Variants in AP3B1 observed in about 807,000 individuals in gnomAD.
AP3B1 encodes the protein adaptor related protein complex 3 subunit beta 1, also known as AP-3 complex subunit beta-1.
In AP3B1, 61 loss-of-function variants were observed where a neutral mutation model predicts 132.5. The observed-to-expected ratio is 0.46, with a 90% CI of 0.37 to 0.57. The LOEUF is 0.57. Ranked by LOEUF, AP3B1 falls within the 20% of genes least tolerant of loss-of-function variation. AP3B1 has a pLI of 0.00. For synonymous variants in AP3B1, 388 were observed against 438.3 expected, an observed-to-expected ratio of 0.89 and a Z score of 1.43; for missense variants, 1,120 against 1,289.4, an observed-to-expected ratio of 0.87 and a Z score of 2.01.
intron 17 of AP3B1, among the ~76,000 whole-genome samples, chr5:78,125,739 A>C (rs1344227292): frequency 6.6e-6 from 1 of 152,192 alleles, no homozygotes; most frequent in East Asian, 1.9e-4. Flanking sequence ...CTAAGTTACC[A>C]ATTATTAATT....
At chr5:78,246,409 T>G (rs1233320305) in intron 2 of AP3B1, among the ~76,000 whole-genome samples, 1 of 152,244 alleles carries the variant, frequency 6.6e-6, no homozygotes, top group Non-Finnish European at 1.5e-5. Flanking sequence ...AGGATAGCAC[T>G]GAACTCAGAA....
intron 2 of AP3B1, among the ~76,000 whole-genome samples, chr5:78,251,211 G>A (rs1185683803): frequency 9.0e-5 from 13 of 144,720 alleles, no homozygotes; most frequent in Non-Finnish European, 1.6e-4. Flanking sequence ...TACATATCCA[G>A]ACAGTTGAAA....
At chr5:78,011,041 C>CTTT (rs11301750) in intron 26 of AP3B1, among the ~76,000 whole-genome samples, 16 of 129,358 alleles carry the variant, frequency 1.2e-4, no homozygotes, top group East Asian at 2.3e-4. Flanking sequence ...CTGTATCTCT[C>CTTT]TTTTTTTTTT....
intron 1 of AP3B1, among the ~76,000 whole-genome samples, chr5:78,289,473 A>G (rs1396085590): frequency 6.6e-6 from 1 of 152,192 alleles, no homozygotes; most frequent in Admixed American, 6.5e-5. Context: ...ATCTAAACAA[A>G]TGAAAAGCCC....
intron 25 of AP3B1, among the ~76,000 whole-genome samples, chr5:78,018,828 G>T (rs1746969452): frequency 6.6e-6 from 1 of 152,014 alleles, no homozygotes; most frequent in Non-Finnish European, 1.5e-5. Flanking sequence ...GTGGAAATAA[G>T]CTAAGCTCTT....
chr5:78,182,573 T>C (rs1363094440), intron 7 of AP3B1, among the ~76,000 whole-genome samples: 1 of 152,132 alleles, frequency 6.6e-6, no homozygotes, highest in African/African-American at 2.4e-5. Context: ...TTTTATTTCA[T>C]ATATCCACAA....
At chr5:78,046,870 C>A (rs750767111) in intron 22 of AP3B1, among the ~76,000 whole-genome samples, 1 of 152,068 alleles carries the variant, frequency 6.6e-6, no homozygotes, top group South Asian at 2.1e-4. Context: ...CAACCCCCAA[C>A]AGGCCCTGGT....
chr5:78,281,926 G>T (rs1749074700), intron 1 of AP3B1, among the ~76,000 whole-genome samples: 1 of 151,648 alleles, frequency 6.6e-6, no homozygotes, highest in Non-Finnish European at 1.5e-5. Flanking sequence ...TGGTTAGGAT[G>T]ATAAAGTTAT....
chr5:78,200,164 T>A (rs952065422), intron 7 of AP3B1, among the ~76,000 whole-genome samples: 2 of 151,768 alleles, frequency 1.3e-5, no homozygotes, highest in East Asian at 1.9e-4. Flanking sequence ...GAGGCAAAGA[T>A]GACAGCTCCA....
chr5:78,054,887 A>C (rs1748740365), intron 22 of AP3B1, among the ~76,000 whole-genome samples: 1 of 152,088 alleles, frequency 6.6e-6, no homozygotes, highest in South Asian at 2.1e-4. Context: ...ATCTGACAGA[A>C]GGGAAAAGGA....
At chr5:78,249,351 T>G (rs919497389) in intron 2 of AP3B1, among the ~76,000 whole-genome samples, 37 of 152,096 alleles carry the variant, frequency 2.4e-4, no homozygotes, top group Non-Finnish European at 2.5e-4. Context: ...GCGACAAGAG[T>G]GAGACTCCGT....
chr5:78,163,046 A>G, intron 12 of AP3B1, 95 bp from the exon 13 acceptor site: 1 of 1,178,920 alleles, frequency 8.5e-7, no homozygotes, highest in South Asian at 1.2e-5. Context: ...TAAGAATTCC[A>G]GAATACATAA....
intron 11 of AP3B1, among the ~76,000 whole-genome samples, chr5:78,168,256 C>T (rs1157887019): frequency 7.0e-6 from 1 of 143,280 alleles, no homozygotes; most frequent in African/African-American, 2.7e-5. Context: ...CAAGGTCTTA[C>T]TCTGTCACCG....
intron 22 of AP3B1, among the ~76,000 whole-genome samples, chr5:78,064,022 G>C (rs1471721127): frequency 6.6e-6 from 1 of 151,240 alleles, no homozygotes; most frequent in Non-Finnish European, 1.5e-5. Flanking sequence ...TTGCAGGGGG[G>C]GTCGGGCAGG....
At chr5:78,042,708 C>A (rs1748143628) in intron 22 of AP3B1, 2 of 166,082 alleles carry the variant, frequency 1.2e-5, no homozygotes, top group East Asian at 1.8e-4. Context: ...GATCCCAAGT[C>A]AACCACACCA....
intron 1 of AP3B1, among the ~76,000 whole-genome samples, chr5:78,287,696 T>C (rs1749338796): frequency 1.3e-5 from 2 of 151,610 alleles, no homozygotes; most frequent in South Asian, 2.1e-4. Context: ...TGCTGAAATT[T>C]AGTGAAAAAT....
At chr5:78,040,568 G>C (rs1748034122) in intron 22 of AP3B1, among the ~76,000 whole-genome samples, 4 of 151,740 alleles carry the variant, frequency 2.6e-5, no homozygotes, top group Admixed American at 2.6e-4. Context: ...ATCATAGGCA[G>C]CATATTAAAT....
intron 2 of AP3B1, among the ~76,000 whole-genome samples, chr5:78,249,635 C>T (rs891686649): frequency 2.1e-4 from 29 of 139,558 alleles, no homozygotes; most frequent in East Asian, 6.4e-4. Flanking sequence ...ACAGGCTAGA[C>T]GGCAATGGTG....
chr5:78,004,005 G>T (rs1746292212), intron 26 of AP3B1, among the ~76,000 whole-genome samples: 1 of 152,102 alleles, frequency 6.6e-6, no homozygotes, highest in Admixed American at 6.5e-5. Context: ...TTGATTGCAG[G>T]GATGACTGGA....
Sources: allele counts gnomAD v4.1 joint callset (sites outside exome capture counted in the v4.1 genomes callset), GRCh38; gene constraint gnomAD v4.1.1; transcripts MANE v1.5; gene names NCBI Gene and HGNC (gene_info 2026-07-23, HGNC 2026-07-21).